The following AFF3 variants were observed in gnomAD, a reference collection of about 807,000 sequenced individuals.
The protein encoded by AFF3 is AF4/FMR2 family member 3.
A neutral mutation model predicts 129.7 loss-of-function variants in AFF3; 32 were observed. The observed-to-expected ratio is 0.25, with a 90% confidence interval of 0.19 to 0.33. AFF3 has a LOEUF of 0.33. Among genes scored for constraint, AFF3 ranks in the 10% least tolerant of loss-of-function variants. AFF3 has a pLI of 1.00. For missense variants in AFF3, 1,373 were observed against 1,592.0 expected, an observed-to-expected ratio of 0.86 and a Z score of 2.34; for synonymous variants, 644 against 635.4, an observed-to-expected ratio of 1.01 and a Z score of -0.20.
At chr2:99,941,345 T>C (rs1354833477) in intron 7 of AFF3, among the ~76,000 whole-genome samples, 4 of 152,140 alleles carry the variant, frequency 2.6e-5, no homozygotes, top group Non-Finnish European at 4.4e-5. Flanking sequence ...GAAAGAAAAA[T>C]TGAACAGCCT....
At position 99,610,725 on chromosome 2, in the gene AFF3, T is replaced by C. The variant is rs1284038943; in HGVS notation, c.1185-9104A>G. Among the ~76,000 whole-genome samples the C allele has an allele frequency of 2.0e-5, 3 of 152,226 alleles. 1 individual carries two copies. The highest frequency in any genetic ancestry group is 4.4e-5 in the Non-Finnish European group (3 of 68,044). On this transcript the variant is annotated intron_variant, in intron 13 of 24. Transcript: ENST00000672756. The stretch of plus-strand genomic sequence containing the variant: ...CTTCCGGGACTTTCAAATTTGTCTT[T>C]TGTCTTCAGAATTGGACTCTGATGA...
At chr2:99,753,229 A>G (rs1181058731) in intron 8 of AFF3, among the ~76,000 whole-genome samples, 1 of 151,994 alleles carries the variant, frequency 6.6e-6, no homozygotes, top group African/African-American at 2.4e-5. Flanking sequence ...CCTCCTGTAT[A>G]GCTGGGATTA....
chr2:99,917,055 G>T (rs1695520497), intron 7 of AFF3, among the ~76,000 whole-genome samples: 3 of 152,196 alleles, frequency 2.0e-5, no homozygotes, highest in Admixed American at 1.3e-4. Context: ...TTGCTATGAT[G>T]ACTGAGCCCA....
At chr2:99,952,449 G>C (rs1475436214) in intron 7 of AFF3, among the ~76,000 whole-genome samples, 1 of 151,930 alleles carries the variant, frequency 6.6e-6, no homozygotes, top group Admixed American at 6.6e-5. Context: ...TGCGAAAATG[G>C]ACTAATCCAC....
At chr2:100,071,963 T>C (rs1573337931) in intron 4 of AFF3, among the ~76,000 whole-genome samples, 2 of 152,204 alleles carry the variant, frequency 1.3e-5, no homozygotes, top group East Asian at 3.9e-4. Context: ...TTATGCCTTC[T>C]GACATCTGCT....
chr2:99,954,095 T>A (rs770071773), intron 7 of AFF3, among the ~76,000 whole-genome samples: 264 of 152,260 alleles, frequency 1.7e-3, no homozygotes, highest in Non-Finnish European at 2.5e-3. Flanking sequence ...GTGATATGGA[T>A]CCTTTACCAC....
chr2:100,045,268 GC>G (rs1378378922), intron 4 of AFF3, among the ~76,000 whole-genome samples: 4 of 152,122 alleles, frequency 2.6e-5, no homozygotes, highest in Non-Finnish European at 5.9e-5. Context: ...GCTGAGTGCC[GC>G]AGTTACTACC....
At chr2:99,646,170 C>A (rs1381183593) in intron 13 of AFF3, among the ~76,000 whole-genome samples, 1 of 152,184 alleles carries the variant, frequency 6.6e-6, no homozygotes, top group African/African-American at 2.4e-5. Flanking sequence ...TATCTTGGAA[C>A]AAAATAGCTC....
chr2:99,859,772 A>G (rs1236196960), intron 7 of AFF3, among the ~76,000 whole-genome samples: 1 of 152,212 alleles, frequency 6.6e-6, no homozygotes, highest in African/African-American at 2.4e-5. Context: ...AGCAAGCACC[A>G]GGAAAAATCA....
At chr2:100,012,146 G>A (rs557879442) in intron 4 of AFF3, among the ~76,000 whole-genome samples, 21 of 152,188 alleles carry the variant, frequency 1.4e-4, no homozygotes, top group Middle Eastern at 6.8e-3. Context: ...TCCACTAGTC[G>A]TCTTTTCAGG....
intron 7 of AFF3, among the ~76,000 whole-genome samples, chr2:99,887,493 A>G (rs1170305312): frequency 1.3e-5 from 2 of 152,324 alleles, no homozygotes; most frequent in Admixed American, 6.5e-5. Context: ...AAAGCAACAC[A>G]TTATCCGTGC....
chr2:99,661,785 G>A (rs1202136892), intron 12 of AFF3, among the ~76,000 whole-genome samples: 1 of 152,212 alleles, frequency 6.6e-6, no homozygotes, highest in East Asian at 1.9e-4. Flanking sequence ...TATAAAGAGT[G>A]GCATGATAAA....
At chr2:100,017,255 C>T (rs1198236899) in intron 4 of AFF3, among the ~76,000 whole-genome samples, 2 of 152,164 alleles carry the variant, frequency 1.3e-5, no homozygotes, top group African/African-American at 4.8e-5. Context: ...GTTCACTCTA[C>T]TTTCCCCCAA....
At chr2:100,003,070 T>TCC in intron 7 of AFF3, among the ~76,000 whole-genome samples, 1 of 127,388 alleles carries the variant, frequency 7.9e-6, no homozygotes, top group South Asian at 2.3e-4. Context: ...TAATGATGCT[T>TCC]AAGCTTCAGG....
intron 18 of AFF3, chr2:99,572,494 G>A (rs371029465): frequency 2.9e-5 from 12 of 419,238 alleles, no homozygotes; most frequent in South Asian, 5.3e-5. Context: ...GTGAAATGCC[G>A]CCCTCAGTAG....
At chr2:100,058,663 G>A (rs897542599) in intron 4 of AFF3, among the ~76,000 whole-genome samples, 5 of 151,864 alleles carry the variant, frequency 3.3e-5, no homozygotes, top group Admixed American at 2.6e-4. Flanking sequence ...TCCCTTCCTC[G>A]TACTATAAAC....
chr2:99,714,494 A>G (rs1304893680), intron 11 of AFF3, among the ~76,000 whole-genome samples: 1 of 152,160 alleles, frequency 6.6e-6, no homozygotes, highest in Non-Finnish European at 1.5e-5. Flanking sequence ...TCTTAGCTGA[A>G]ATGATTGTGG....
At chr2:99,847,437 T>C (rs1456999447) in intron 7 of AFF3, among the ~76,000 whole-genome samples, 1 of 151,958 alleles carries the variant, frequency 6.6e-6, no homozygotes, top group African/African-American at 2.4e-5. Flanking sequence ...CCCAGCACTT[T>C]GGGAGGCTGA....
chr2:99,911,183 C>T (rs762244373), intron 7 of AFF3, among the ~76,000 whole-genome samples: 10 of 152,108 alleles, frequency 6.6e-5, no homozygotes, highest in Admixed American at 5.2e-4. Flanking sequence ...TTTTGACAAT[C>T]GATTGACCTG....
Sources: gnomAD v4.1 joint callset for allele counts (sites outside exome capture counted in the v4.1 genomes callset) on GRCh38, gnomAD v4.1.1 for gene constraint, MANE v1.5 for transcripts, NCBI Gene and HGNC (gene_info 2026-07-23, HGNC 2026-07-21) for gene names.